The following NAV2 variants were observed in gnomAD, a reference collection of about 807,000 sequenced individuals.
NAV2 encodes helicase, APC down-regulated 1.
In NAV2, 54 loss-of-function variants were observed where a neutral mutation model predicts 223.2. That is an observed-to-expected ratio of 0.24 (90% CI 0.19 to 0.30). NAV2 has a LOEUF of 0.30. Among genes scored for constraint, NAV2 ranks in the 10% least tolerant of loss-of-function variants. NAV2 has a pLI of 1.00. For missense variants in NAV2, 2,806 were observed against 3,147.5 expected (o/e 0.89, Z 2.60); for synonymous variants, 1,279 against 1,239.3 (o/e 1.03, Z -0.67).
intron 1 of NAV2, among the ~76,000 whole-genome samples, chr11:19,608,443 T>G (rs1358839317): frequency 6.6e-6 from 1 of 152,276 alleles, no homozygotes; most frequent in Non-Finnish European, 1.5e-5. Context: ...ATACCCGTGA[T>G]GTTTTTCAGA....
rs1042082227 is a variant in NAV2, at chr11:19,719,677, G to A, written c.267+5715G>A. On this transcript the variant is annotated intron_variant, in intron 1 of 37. Coordinates refer to ENST00000349880, the MANE Select transcript of NAV2 (RefSeq NM_145117.5). ...TCCACCCTACCTCTCTGCCTCCCAA[G>A]TACGCAGCTGAGTACATGAAAAGAC... Among the ~76,000 whole-genome samples, 43 of 152,204 alleles carry A rather than the reference G, an allele frequency of 2.8e-4. 1 individual carries two copies. The highest frequency in any genetic ancestry group is 2.4e-3 in the Admixed American group (37 of 15,288).
intron 1 of NAV2, among the ~76,000 whole-genome samples, chr11:19,780,793 T>G (rs1278229801): frequency 6.6e-6 from 1 of 152,196 alleles, no homozygotes; most frequent in Non-Finnish European, 1.5e-5. Flanking sequence ...GTGTGTGCAT[T>G]TCTCCACACA....
chr11:19,345,620 A>T, the NAV2 span, among the ~76,000 whole-genome samples: 1 of 152,166 alleles, frequency 6.6e-6, no homozygotes, highest in East Asian at 1.9e-4. The surrounding 1 kb of genome is among the most constrained non-coding windows in gnomAD (Gnocchi z 5.2). Context: ...GTGCGCGATG[A>T]CGGCCGGCGG....
At chr11:19,621,512 A>G (rs1320916279) in intron 1 of NAV2, among the ~76,000 whole-genome samples, 2 of 152,128 alleles carry the variant, frequency 1.3e-5, no homozygotes, top group Non-Finnish European at 2.9e-5. Context: ...GAATTTATCC[A>G]TTTCTTCCAG....
chr11:20,005,253 A>ATTTATTTTTTT (rs2052941485), intron 11 of NAV2, among the ~76,000 whole-genome samples: 1 of 134,554 alleles, frequency 7.4e-6, no homozygotes, highest in Admixed American at 7.4e-5. Context: ...ATATATATAT[A>ATTTATTTTTTT]TTTTTTTTTT....
chr11:19,617,925 C>G (rs1423846949), intron 1 of NAV2, among the ~76,000 whole-genome samples: 3 of 152,320 alleles, frequency 2.0e-5, no homozygotes, highest in African/African-American at 7.2e-5. Context: ...ACCCAGAACC[C>G]TCTTCCTACA....
intron 1 of NAV2, among the ~76,000 whole-genome samples, chr11:19,428,971 G>A (rs1204205876): frequency 6.6e-6 from 1 of 152,222 alleles, no homozygotes; most frequent in Non-Finnish European, 1.5e-5. Flanking sequence ...CCACTACACA[G>A]CCAAGGAATT....
At chr11:19,770,992 C>T (rs953363705) in intron 1 of NAV2, among the ~76,000 whole-genome samples, 1 of 152,148 alleles carries the variant, frequency 6.6e-6, no homozygotes, top group Non-Finnish European at 1.5e-5. Context: ...ATATTCATTA[C>T]ATTTTTGATG....
At chr11:19,734,050 G>T (rs1286950986) in intron 1 of NAV2, among the ~76,000 whole-genome samples, 1 of 152,118 alleles carries the variant, frequency 6.6e-6, no homozygotes, top group Non-Finnish European at 1.5e-5. Flanking sequence ...CTGAAATAGT[G>T]GTGGACTTTG....
At chr11:19,508,305 C>G (rs929793605) in intron 1 of NAV2, among the ~76,000 whole-genome samples, 7 of 152,104 alleles carry the variant, frequency 4.6e-5, no homozygotes, top group African/African-American at 1.7e-4. Flanking sequence ...CATTGACTAT[C>G]CACTCTAATG....
In NAV2 at chr11:20,056,392, C is replaced by T. The variant is rs2058368616; in HGVS notation, c.4831+435C>T. On this transcript the variant is annotated intron_variant, in intron 19 of 37. Coordinates refer to ENST00000349880, the MANE Select transcript of NAV2 (RefSeq NM_145117.5). ...GGCCGGGCAGCCACGCCTTTCTGCT[C>T]TGCTCCAGAATTTTTCATCTCCTTT... is the stretch of plus-strand genomic sequence containing the variant. 1.5e-5 allele frequency: 10 copies of T among 677,644 alleles called. No homozygotes were observed. In the South Asian group the frequency reaches 1.6e-4, roughly 11 times the overall value. 42.0% of individuals were successfully genotyped at this position (677,644 alleles called of 1,614,324 possible). A position where few individuals can be genotyped will look rare whatever the true frequency, so the allele number is the denominator to read the frequency against.
At chr11:20,109,840 C>T (rs1754015944) in intron 36 of NAV2, among the ~76,000 whole-genome samples, 1 of 152,258 alleles carries the variant, frequency 6.6e-6, no homozygotes, top group African/African-American at 2.4e-5. Flanking sequence ...AAGGCCTCCC[C>T]TGCCCTGGAA....
intron 1 of NAV2, among the ~76,000 whole-genome samples, chr11:19,819,346 G>A (rs565159566): frequency 9.8e-5 from 15 of 152,300 alleles, no homozygotes; most frequent in African/African-American, 3.6e-4. Flanking sequence ...ATTTCAAGTG[G>A]GCATTTCCTA....
At chr11:19,977,516 CA>C (rs1217354295) in intron 10 of NAV2, among the ~76,000 whole-genome samples, 1 of 152,174 alleles carries the variant, frequency 6.6e-6, no homozygotes, top group African/African-American at 2.4e-5. Context: ...AGAGTCACTG[CA>C]ACATGTCTCT....
chr11:19,362,045 G>C (rs981003613), intron 1 of NAV2, among the ~76,000 whole-genome samples: 1 of 152,340 alleles, frequency 6.6e-6, no homozygotes, highest in Admixed American at 6.5e-5. Context: ...AGGAGGATGA[G>C]CTGGAGAGGG....
chr11:19,444,642 A>G (rs1364833937), intron 1 of NAV2, among the ~76,000 whole-genome samples: 3 of 152,188 alleles, frequency 2.0e-5, no homozygotes, highest in Non-Finnish European at 4.4e-5. Flanking sequence ...TGAACCACCA[A>G]GAGTTTGGAT....
Position 19,934,035 on chromosome 11 carries a change from A to T in NAV2, c.1791A>T (p.Gly597=). The T allele has an allele frequency of 1.3e-6, 2 of 1,598,398 alleles. No individual in the cohort carries two copies. The highest frequency in any genetic ancestry group is 1.7e-6 in the Non-Finnish European group (2 of 1,172,788). The change falls in exon 7 of 38, where the codon GGA becomes GGT. Residue 597 remains glycine (G), a synonymous_variant. Transcript: ENST00000349880. ...GCCGGAGTGGGAAGCTGAGCTCAGG[A>T]CTCCCCCAGCAGAAGCCCCAGCTGG... ...ERSRSGKLSS[G]LPQQKPQLDG...
intron 1 of NAV2, among the ~76,000 whole-genome samples, chr11:19,808,830 CA>C (rs1334078051): frequency 6.6e-6 from 1 of 152,150 alleles, no homozygotes; most frequent in East Asian, 1.9e-4. Context: ...ATTTTGGAGA[CA>C]TTTTTTTGCT....
chr11:19,371,438 C>T (rs1848466210), intron 1 of NAV2, among the ~76,000 whole-genome samples: 20 of 152,084 alleles, frequency 1.3e-4, no homozygotes, highest in Admixed American at 1.3e-3. Context: ...GCAACTTGCC[C>T]GAGACCCTTC....
Sources: allele counts gnomAD v4.1 joint callset (sites outside exome capture counted in the v4.1 genomes callset), GRCh38; gene constraint gnomAD v4.1.1; non-coding constraint Gnocchi (gnomAD v3.1); transcripts MANE v1.5; gene names NCBI Gene and HGNC (gene_info 2026-07-23, HGNC 2026-07-21).